Variants in ID4 observed in about 807,000 individuals in gnomAD.
The protein encoded by ID4 is inhibitor of DNA binding 4.
In ID4, 9 loss-of-function variants were observed where a neutral mutation model predicts 8.6. The ratio of observed to expected loss-of-function variants is 1.04; its 90% CI spans 0.63 to 1.82. The LOEUF is 1.82. Ranked by LOEUF, ID4 falls within the 40% of genes most tolerant of loss-of-function variation. The pLI is 0.00. For missense variants in ID4, 270 were observed against 235.1 expected (o/e 1.15, Z -0.97); for synonymous variants, 180 against 118.0 (o/e 1.53, Z -3.41).
chr6:19,838,167 C>G lies in ID4; in HGVS notation c.413C>G (p.Thr138Ser). 4 of 1,502,598 alleles carry G rather than the reference C, an allele frequency of 2.7e-6. No homozygotes were observed. Among genetic ancestry groups the G allele is most frequent in the Non-Finnish European group, 3.6e-6 (4 of 1,125,324 alleles). The allele number at this position is 1,502,598 out of a possible 1,614,324, so 93.1% of individuals were successfully genotyped here. Residue 138 changes from threonine (T) to serine (S), a missense_variant, in exon 1 of 3, where the codon ACC becomes AGC. By Grantham distance (58) the Thr-to-Ser change is moderately conservative. Transcript: ENST00000378700. ...AGTCPAAPPR[T>S]PLTALNTDPA... is the part of the protein sequence containing the mutation. Reference sequence around the variant, plus strand: ...ACCTGTCCAGCCGCGCCGCCGCGGACCCCGCTCACTGCGCTCAACACCGAC... The same window carrying G: ...ACCTGTCCAGCCGCGCCGCCGCGGAGCCCGCTCACTGCGCTCAACACCGAC...
In ID4 at chr6:19,838,641, A is replaced by T; in HGVS notation, c.*13A>T. On this transcript the variant is annotated splice_region_variant and 3_prime_UTR_variant, in exon 2 of 3. Coordinates refer to ENST00000378700, the MANE Select transcript of ID4 (RefSeq NM_001546.4). ...TCTGTGCCGCTGAGCCGCGCTGTCC[A>T]GGTGAGCGCGCATTTCCCGTCTCGG... 5 of 1,612,982 alleles carry T rather than the reference A, an allele frequency of 3.1e-6. No individual in the cohort carries two copies. Among genetic ancestry groups the T allele is most frequent in the Non-Finnish European group, 4.2e-6 (5 of 1,179,376 alleles).
chr6:19,837,906 A>AGGCGGCCGAGGC lies in ID4; in HGVS notation c.162_173dup (p.Glu54_Ala57dup), dbSNP rs1561853038. 9.9e-6 allele frequency: 14 copies of AGGCGGCCGAGGC among 1,409,336 alleles called. No homozygotes were observed. Among genetic ancestry groups the AGGCGGCCGAGGC allele is most frequent in the Non-Finnish European group, 1.2e-5 (13 of 1,072,204 alleles). The allele number at this position is 1,409,336 out of a possible 1,614,324, so 87.3% of individuals were successfully genotyped here. ...GCGGCGGCGGCGGCAGCGCGCTGTA[A>AGGCGGCCGAGGC]GGCGGCCGAGGCGGCGGCCGACGAG... is the stretch of plus-strand genomic sequence containing the variant. On this transcript the variant is annotated inframe_insertion, in exon 1 of 3. Coordinates refer to ENST00000378700, the MANE Select transcript of ID4 (RefSeq NM_001546.4).
rs967830852 is a variant in ID4, at chr6:19,837,723, G to T, written c.-32G>T. 2.1e-5 allele frequency: 23 copies of T among 1,109,822 alleles called. No individual in the cohort carries two copies. The African/African-American group carries it at 3.3e-4, about 16-fold the overall frequency. The allele number at this position is 1,109,822 out of a possible 1,614,324, so 68.7% of individuals were successfully genotyped here. On this transcript the variant is annotated 5_prime_UTR_variant, in exon 1 of 3. Transcript: ENST00000378700. ...CCTGCCTCCCTCGCTCGCCCCAGCGGGTTCGCTCGCGTAGAGCGCAGGGCG... is the reference window on the plus strand; with the variant it reads ...CCTGCCTCCCTCGCTCGCCCCAGCGTGTTCGCTCGCGTAGAGCGCAGGGCG...
rs1279265006 is a variant in ID4 at position 19,840,221 on chromosome 6, T to G, written c.*1026T>G. On this transcript the variant is annotated 3_prime_UTR_variant, in exon 3 of 3. Transcript: ENST00000378700. ...AAAATGGATTCTGAATGATTTTGCA[T>G]ATGGGATGAGGAAATGCTTGGATCC... The G allele has an allele frequency of 6.6e-6, 1 of 152,606 alleles. No individual in the cohort carries two copies. Among genetic ancestry groups the G allele is most frequent in the Non-Finnish European group, 1.5e-5 (1 of 68,014 alleles). The allele number at this position is 152,606 out of a possible 1,614,324, so 9.5% of individuals were successfully genotyped here. A position where few individuals can be genotyped will look rare whatever the true frequency, so the allele number is the denominator to read the frequency against.
chr6:19,840,347 G>A lies in ID4; in HGVS notation c.*1152G>A, dbSNP rs1357339724. The A allele has an allele frequency of 2.0e-5, 3 of 152,384 alleles. No individual in the cohort carries two copies. The highest frequency in any genetic ancestry group is 7.3e-5 in the African/African-American group (3 of 41,364). The allele number at this position is 152,384 out of a possible 1,614,324, so 9.4% of individuals were successfully genotyped here. On this transcript the variant is annotated 3_prime_UTR_variant, in exon 3 of 3. Transcript: ENST00000378700. The stretch of plus-strand genomic sequence containing the variant: ...CTTAATGTCACTAAGTTTCATGTCT[G>A]TACAGATTATTTAAATCATGGAAAT...
rs1425816366 is a variant in ID4 at position 19,841,017 on chromosome 6, ATATT to A, written c.*1826_*1829del. Among the ~76,000 whole-genome samples, 2 of 152,234 alleles carry A rather than the reference ATATT, an allele frequency of 1.3e-5. No homozygotes were observed. Among genetic ancestry groups the A allele is most frequent in the African/African-American group, 4.8e-5 (2 of 41,478 alleles). On this transcript the variant is annotated 3_prime_UTR_variant, in exon 3 of 3. Transcript: ENST00000378700. ...GGACTTCTTATGAGGTCAAATTCAG[ATATT>A]TATATGAATATGAAATACCATGGTC...
chr6:19,838,713 G>C, intron 2 of ID4, 71 bp downstream of exon 2: 1 of 1,385,510 alleles, frequency 7.2e-7, no homozygotes. Flanking sequence ...TCCGGGGCCA[G>C]GCACCGCGGT....
chr6:19,838,701 C>A, intron 2 of ID4, 59 bp downstream of exon 2: 2 of 1,485,258 alleles, frequency 1.3e-6, no homozygotes, highest in Non-Finnish European at 1.9e-6. Context: ...TCCCCGAGGG[C>A]TTCCGGGGCC....
rs1013234329 is a variant in ID4, at chr6:19,840,535, A to G, written c.*1340A>G. ...AAAGTCGATCTTCAAACATTAACTT[A>G]AGCAGACCAAAAATTCTGATGACCG... On this transcript the variant is annotated 3_prime_UTR_variant, in exon 3 of 3. Coordinates refer to ENST00000378700, the MANE Select transcript of ID4 (RefSeq NM_001546.4). 7 of 152,734 alleles carry G rather than the reference A, an allele frequency of 4.6e-5. No homozygotes were observed. Among genetic ancestry groups the G allele is most frequent in the Non-Finnish European group, 7.4e-5 (5 of 67,994 alleles). The allele number at this position is 152,734 out of a possible 1,614,324, so 9.5% of individuals were successfully genotyped here.
In ID4 at chr6:19,840,414, G is replaced by C. The variant is rs1369786988; in HGVS notation, c.*1219G>C. 1 of 152,372 alleles carries C rather than the reference G, an allele frequency of 6.6e-6. No homozygotes were observed. Among genetic ancestry groups the C allele is most frequent in the Admixed American group, 6.6e-5 (1 of 15,244 alleles). The allele number at this position is 152,372 out of a possible 1,614,324, so 9.4% of individuals were successfully genotyped here. On this transcript the variant is annotated 3_prime_UTR_variant, in exon 3 of 3. Transcript: ENST00000378700. ...GCTTGCTACCAAAGGACAAACTCTT[G>C]GAAATGAACACTTTCTGCTTTCCTT...
Position 19,840,983 on chromosome 6 carries a change from A to G in ID4, c.*1788A>G, listed in dbSNP as rs1487899794. Among the ~76,000 whole-genome samples, 2 of 152,150 alleles carry G rather than the reference A, an allele frequency of 1.3e-5. No homozygotes were observed. The highest frequency in any genetic ancestry group is 4.8e-5 in the African/African-American group (2 of 41,394). ...GATTATACAAGAATAAAAGTATTATAGACCCAAGGGACTTCTTATGAGGTC... is the reference window on the plus strand; with the variant it reads ...GATTATACAAGAATAAAAGTATTATGGACCCAAGGGACTTCTTATGAGGTC... On this transcript the variant is annotated 3_prime_UTR_variant, in exon 3 of 3. Transcript: ENST00000378700.
At chr6:19,838,448 G>A (rs547522892) in intron 1 of ID4, 136 bp from the exon 2 acceptor site, 3 of 1,252,178 alleles carry the variant, frequency 2.4e-6, no homozygotes, top group East Asian at 5.1e-5. Flanking sequence ...GCCTGAGCCC[G>A]GAGGGGCCCC....
chr6:19,838,654 T>A lies in ID4; in HGVS notation c.*14+12T>A, dbSNP rs1761285214. The A allele has an allele frequency of 3.7e-6, 6 of 1,612,572 alleles. No individual in the cohort carries two copies. The highest frequency in any genetic ancestry group is 5.1e-6 in the Non-Finnish European group (6 of 1,179,112). ...GCCGCGCTGTCCAGGTGAGCGCGCATTTCCCGTCTCGGGTGGCCGGTCACC... is the reference window on the plus strand; with the variant it reads ...GCCGCGCTGTCCAGGTGAGCGCGCAATTCCCGTCTCGGGTGGCCGGTCACC... On this transcript the variant is annotated intron_variant, in intron 2 of 2. Transcript: ENST00000378700.
intron 1 of ID4, 62 bp downstream of exon 1, chr6:19,838,257 T>G: frequency 7.8e-7 from 1 of 1,285,436 alleles, no homozygotes; most frequent in East Asian, 3.2e-5. Flanking sequence ...GGTGGCGTGG[T>G]GGCGGGACGC....
rs1415811167 is a variant in ID4, at chr6:19,841,409, G to A, written c.*2214G>A. Among the ~76,000 whole-genome samples, 1 of 152,140 alleles carries A rather than the reference G, an allele frequency of 6.6e-6. No homozygotes were observed. Among genetic ancestry groups the A allele is most frequent in the Non-Finnish European group, 1.5e-5 (1 of 68,022 alleles). ...TTATTTGGCAGTTTAATTTCAGTAG[G>A]AAGCATGTCACATGTGCACTGTTGG... On this transcript the variant is annotated 3_prime_UTR_variant, in exon 3 of 3. Coordinates refer to ENST00000378700, the MANE Select transcript of ID4 (RefSeq NM_001546.4).
At position 19,838,598 on chromosome 6, in the gene ID4, C is replaced by G; in HGVS notation, c.456C>G (p.Asn152Lys). 1.2e-6 allele frequency: 2 copies of G among 1,613,994 alleles called. No homozygotes were observed. Among genetic ancestry groups the G allele is most frequent in the South Asian group, 2.2e-5 (2 of 91,080 alleles). ...TGCTGTTCCAGGCCGGCGCGGTGAA[C>G]AAGCAGGGCGACAGCATTCTGTGCC... ...ALNTDPAGAV[N>K]KQGDSILCR The change falls in exon 2 of 3, where the codon AAC (asparagine) becomes AAG (lysine). Residue 152 changes from asparagine (N) to lysine (K), a missense_variant. Transcript: ENST00000378700.
intron 1 of ID4, 21 bp downstream of exon 1, chr6:19,838,216 C>A (rs147448400): frequency 0.055 from 73,108 of 1,334,488 alleles, 2,268 homozygotes; most frequent in Non-Finnish European, 0.062. Context: ...GGGCGCCGGC[C>A]GTGGGCGGAC....
chr6:19,838,517 C>A, intron 1 of ID4, 67 bp from the exon 2 acceptor site: 1 of 1,600,470 alleles, frequency 6.2e-7, no homozygotes, highest in South Asian at 1.1e-5. Context: ...GAGGACAATC[C>A]AGGACCGTGT....
chr6:19,841,569 C>T lies in ID4; in HGVS notation c.*2374C>T, dbSNP rs1489443051. 6.6e-6 allele frequency among the ~76,000 whole-genome samples: 1 copy of T among 152,118 alleles called. No individual in the cohort carries two copies. The highest frequency in any genetic ancestry group is 1.5e-5 in the Non-Finnish European group (1 of 68,012). On this transcript the variant is annotated 3_prime_UTR_variant, in exon 3 of 3. Coordinates refer to ENST00000378700, the MANE Select transcript of ID4 (RefSeq NM_001546.4). ...TGGGTTTTGAGGATAGATGTTACTC[C>T]TTAAAGTTTGTATTTGGGGCATGAA...
Sources: allele counts gnomAD v4.1 joint callset (sites outside exome capture counted in the v4.1 genomes callset), GRCh38; gene constraint gnomAD v4.1.1; transcripts MANE v1.5; gene names NCBI Gene and HGNC (gene_info 2026-07-23, HGNC 2026-07-21).